CIMAP1D: variants seen among roughly 807,000 people sequenced by gnomAD.
CIMAP1D encodes protein CIMAP1D.
chr19:471,992 T>G, the CIMAP1D span, among the ~76,000 whole-genome samples: 1 of 152,114 alleles, frequency 6.6e-6, no homozygotes, highest in Non-Finnish European at 1.5e-5. Context: ...GTGATCCGCC[T>G]GCCTCAGCCT....
chr19:479,634 A>AC, the CIMAP1D span, among the ~76,000 whole-genome samples: 1 of 149,594 alleles, frequency 6.7e-6, no homozygotes, highest in Non-Finnish European at 1.5e-5. Context: ...CGATCTCCTG[A>AC]CCTCGTGATC....
chr19:488,616 G>C, the CIMAP1D span, among the ~76,000 whole-genome samples: 1 of 150,004 alleles, frequency 6.7e-6, no homozygotes, highest in East Asian at 2.0e-4. Context: ...CGCAACCACG[G>C]CCTCCCGGTG....
chr19:473,793 G>A, the CIMAP1D span, among the ~76,000 whole-genome samples: 38 of 103,950 alleles, frequency 3.7e-4, no homozygotes, highest in Non-Finnish European at 6.9e-4. Context: ...ACTGAGGCCT[G>A]AGCCTCCCAG....
At chr19:487,207 T>A in the CIMAP1D span, among the ~76,000 whole-genome samples, 11,704 of 152,160 alleles carry the variant, frequency 0.077, 944 homozygotes, top group East Asian at 0.32. Flanking sequence ...CACTGTGAAG[T>A]TCGCGGCGAT....
At chr19:467,998 T>C in the CIMAP1D span, among the ~76,000 whole-genome samples, 6 of 152,142 alleles carry the variant, frequency 3.9e-5, no homozygotes, top group African/African-American at 1.4e-4. Context: ...TCTGCTGCTG[T>C]TTGTAGCCAC....
At chr19:481,501 G>GAAGGATGACGGGA in the CIMAP1D span, among the ~76,000 whole-genome samples, 1 of 129,100 alleles carries the variant, frequency 7.7e-6, no homozygotes, top group East Asian at 2.5e-4. Context: ...AGGATGATGG[G>GAAGGATGACGGGA]AAGGATGATG....
the CIMAP1D span, chr19:463,655 C>T: frequency 1.2e-6 from 1 of 837,822 alleles, no homozygotes; most frequent in Non-Finnish European, 1.8e-6. Context: ...CTGCACCCTG[C>T]ACAGGGCCAT....
chr19:481,442 G>C, the CIMAP1D span, among the ~76,000 whole-genome samples: 11 of 87,944 alleles, frequency 1.3e-4, no homozygotes, highest in South Asian at 4.2e-4. Flanking sequence ...TGATGGGGAA[G>C]GATGATGGGG....
At chr19:465,771 G>A in the CIMAP1D span, among the ~76,000 whole-genome samples, 1 of 149,444 alleles carries the variant, frequency 6.7e-6, no homozygotes, top group African/African-American at 2.5e-5. Context: ...ATAGATGGGT[G>A]GGTGGGTGGA....
At chr19:491,527 G>A in the CIMAP1D span, among the ~76,000 whole-genome samples, 5 of 152,046 alleles carry the variant, frequency 3.3e-5, no homozygotes, top group Non-Finnish European at 7.4e-5. Flanking sequence ...AGACAGGGCC[G>A]TGGAAGCTGG....
the CIMAP1D span, among the ~76,000 whole-genome samples, chr19:480,729 T>TG: frequency 2.5e-4 from 33 of 134,596 alleles, 1 homozygote; most frequent in African/African-American, 6.6e-4. Context: ...GGAAGGATGA[T>TG]GGGAAGGATG....
At chr19:473,004 GCCCA>G in the CIMAP1D span, among the ~76,000 whole-genome samples, 1 of 102,416 alleles carries the variant, frequency 9.8e-6, no homozygotes, top group Non-Finnish European at 2.2e-5. Context: ...GGAAACTGAG[GCCCA>G]GGCAGAGATA....
At chr19:476,056 T>C in the CIMAP1D span, among the ~76,000 whole-genome samples, 25 of 125,824 alleles carry the variant, frequency 2.0e-4, no homozygotes, top group South Asian at 6.9e-3. Flanking sequence ...TGGAATGCAG[T>C]GGCGCGATCT....
At chr19:478,818 G>A in the CIMAP1D span, among the ~76,000 whole-genome samples, 21 of 152,274 alleles carry the variant, frequency 1.4e-4, no homozygotes, top group Non-Finnish European at 2.9e-4. Context: ...TCCTGGGTGG[G>A]AGGTGACTCC....
chr19:464,140 CGGGG>C, the CIMAP1D span: 2 of 796,550 alleles, frequency 2.5e-6, no homozygotes. Flanking sequence ...GGGGGGCGGG[CGGGG>C]GGGGTGCGGC....
chr19:480,610 G>A, the CIMAP1D span, among the ~76,000 whole-genome samples: 14 of 146,876 alleles, frequency 9.5e-5, no homozygotes, highest in African/African-American at 2.3e-4. Context: ...GATGGGGAAG[G>A]ATGATGGGAA....
chr19:483,980 T>C, the CIMAP1D span, among the ~76,000 whole-genome samples: 1 of 152,134 alleles, frequency 6.6e-6, no homozygotes, highest in Non-Finnish European at 1.5e-5. Context: ...GTGACAGCTG[T>C]CCATCACTCA....
At chr19:483,652 C>G in the CIMAP1D span, among the ~76,000 whole-genome samples, 1 of 152,190 alleles carries the variant, frequency 6.6e-6, no homozygotes, top group Admixed American at 6.5e-5. Context: ...CGCTAGGCAC[C>G]CTGCAGTGGC....
At chr19:465,715 GAATGAGTGGGTAGGTGAAAGGATGGACA>G in the CIMAP1D span, among the ~76,000 whole-genome samples, 1 of 144,316 alleles carries the variant, frequency 6.9e-6, no homozygotes, top group African/African-American at 2.7e-5. Flanking sequence ...GTGGATAGAT[GAATGAGTGGGTAGGTGAAAGGATGGACA>G]GATGGATGGG....
Sources: allele counts gnomAD v4.1 joint callset (sites outside exome capture counted in the v4.1 genomes callset), GRCh38; gene constraint gnomAD v4.1.1; transcripts MANE v1.5; gene names NCBI Gene and HGNC (gene_info 2026-07-23, HGNC 2026-07-21).